Variants in TMEM200A observed in about 807,000 individuals in gnomAD.
The protein encoded by TMEM200A is two transmembrane C.
A neutral mutation model predicts 24.3 loss-of-function variants in TMEM200A; 12 were observed. The ratio of observed to expected loss-of-function variants is 0.49; its 90% CI spans 0.32 to 0.80. The LOEUF (loss-of-function observed/expected upper bound fraction) is 0.80, where lower values mean the gene tolerates loss of function less well. TMEM200A is among the 30% of genes least tolerant of loss of function. The pLI is 0.04. For missense variants in TMEM200A, 545 were observed against 614.4 expected (o/e 0.89, Z 1.19); for synonymous variants, 224 against 224.4 (o/e 1.00, Z 0.02).
rs573909746 is a variant in TMEM200A at position 130,433,330 on chromosome 6, G to T, written c.-16-7077G>T. Among the ~76,000 whole-genome samples, 6 of 152,136 alleles carry T rather than the reference G, an allele frequency of 3.9e-5. No individual in the cohort carries two copies. The South Asian group carries it at 1.0e-3, about 26-fold the overall frequency. Reference sequence around the variant, plus strand: ...TTTTTGTATCTTTAGTAGAGACAGGGTTTCACCGTGTTGGCCAGGCTGGTC... The same window carrying T: ...TTTTTGTATCTTTAGTAGAGACAGGTTTTCACCGTGTTGGCCAGGCTGGTC... On this transcript the variant is annotated intron_variant, in intron 2 of 2. Coordinates refer to ENST00000296978, the MANE Select transcript of TMEM200A (RefSeq NM_001258277.2).
At chr6:130,380,020 C>T (rs1229767833) in intron 1 of TMEM200A, among the ~76,000 whole-genome samples, 2 of 152,150 alleles carry the variant, frequency 1.3e-5, no homozygotes, top group Non-Finnish European at 2.9e-5. Flanking sequence ...TTTGTTTGCA[C>T]ATGGTCCTTA....
chr6:130,367,930 C>T lies in TMEM200A; in HGVS notation c.-81+1406C>T, dbSNP rs569915217. Among the ~76,000 whole-genome samples the T allele has an allele frequency of 3.9e-5, 6 of 152,276 alleles. 1 individual carries two copies. The South Asian group carries it at 1.2e-3, about 32-fold the overall frequency. Reference sequence around the variant, plus strand: ...TTTGTATCTGGGCTGGGAAAGCCTTCATTAGAGTTGTATGGAAAGTCCCTG... The same window carrying T: ...TTTGTATCTGGGCTGGGAAAGCCTTTATTAGAGTTGTATGGAAAGTCCCTG... On this transcript the variant is annotated intron_variant, in intron 1 of 2. Coordinates refer to ENST00000296978, the MANE Select transcript of TMEM200A (RefSeq NM_001258277.2).
chr6:130,425,145 T>TC (rs1779699706), intron 2 of TMEM200A, among the ~76,000 whole-genome samples: 2 of 152,162 alleles, frequency 1.3e-5, no homozygotes, highest in African/African-American at 4.8e-5. Flanking sequence ...GATGTTGGAT[T>TC]CAGTGACAGA....
chr6:130,428,001 G>A (rs1416574303), intron 2 of TMEM200A, among the ~76,000 whole-genome samples: 1 of 152,104 alleles, frequency 6.6e-6, no homozygotes, highest in Non-Finnish European at 1.5e-5. Flanking sequence ...CACTATCCTT[G>A]TAGAAAGTGG....
chr6:130,428,977 A>AACTC (rs1779811260), intron 2 of TMEM200A, among the ~76,000 whole-genome samples: 1 of 152,170 alleles, frequency 6.6e-6, no homozygotes, highest in Admixed American at 6.5e-5. Context: ...ATACAATAGA[A>AACTC]ACTCAATGAC....
intron 1 of TMEM200A, among the ~76,000 whole-genome samples, chr6:130,383,473 T>C (rs1003847996): frequency 5.9e-5 from 9 of 152,152 alleles, no homozygotes; most frequent in Non-Finnish European, 1.3e-4. Context: ...AACTTGAATG[T>C]CTGGCGATGG....
chr6:130,410,471 G>A (rs530254854), intron 2 of TMEM200A, among the ~76,000 whole-genome samples: 1 of 152,146 alleles, frequency 6.6e-6, no homozygotes, highest in Non-Finnish European at 1.5e-5. Flanking sequence ...TATAGCAGTT[G>A]CTTAAATGGA....
At chr6:130,414,102 G>A (rs1305069619) in intron 2 of TMEM200A, among the ~76,000 whole-genome samples, 1 of 152,034 alleles carries the variant, frequency 6.6e-6, no homozygotes, top group East Asian at 1.9e-4. Flanking sequence ...GTTCTCAAAA[G>A]TCTTAATAAA....
rs577958873 is a variant in TMEM200A at position 130,441,789 on chromosome 6, A to G, written c.1367A>G (p.Asn456Ser). ...GTTGCCATCAAAAAGGACTTTACCA[A>G]TAAGGAGAAGCTTCTTATGATTTCA... ...PQVAIKKDFT[N>S]KEKLLMISRS... Residue 456 changes from asparagine (N) to serine (S), a missense_variant, in exon 3 of 3, where the codon AAT becomes AGT. Asn to Ser is a conservative substitution (Grantham distance 46). Transcript: ENST00000296978. 14 of 1,614,130 alleles carry G rather than the reference A, an allele frequency of 8.7e-6. No individual in the cohort carries two copies. The South Asian group carries it at 1.5e-4, about 18-fold the overall frequency.
intron 2 of TMEM200A, among the ~76,000 whole-genome samples, chr6:130,386,005 T>C (rs1778703447): frequency 6.6e-6 from 1 of 152,234 alleles, no homozygotes; most frequent in Non-Finnish European, 1.5e-5. Context: ...ACTTCAATTA[T>C]CTAGAATTTT....
chr6:130,404,723 GTCTTTGTCA>G (rs1779166937), intron 2 of TMEM200A, among the ~76,000 whole-genome samples: 1 of 152,080 alleles, frequency 6.6e-6, no homozygotes, highest in Non-Finnish European at 1.5e-5. Flanking sequence ...TGCTTTTGGC[GTCTTTGTCA>G]TGGAATCTTT....
intron 2 of TMEM200A, among the ~76,000 whole-genome samples, chr6:130,417,074 A>ACATAT (rs950081860): frequency 6.6e-6 from 1 of 152,158 alleles, no homozygotes; most frequent in African/African-American, 2.4e-5. Context: ...TCTTTTTAAT[A>ACATAT]CATATCATAT....
Position 130,372,308 on chromosome 6 carries a change from A to G in TMEM200A, c.-81+5784A>G, listed in dbSNP as rs113467938. Among the ~76,000 whole-genome samples, 1,346 of 152,300 alleles carry G rather than the reference A, an allele frequency of 8.8e-3. 16 individuals are homozygous for G. Among genetic ancestry groups the G allele is most frequent in the South Asian group, 0.022 (107 of 4,828 alleles). On this transcript the variant is annotated intron_variant, in intron 1 of 2. Transcript: ENST00000296978. Reference sequence around the variant, plus strand: ...TGAGATAAGAGCAGACCGTCTGAAGAGAATTGTCCAGCAGGATTATATCTG... The same window carrying G: ...TGAGATAAGAGCAGACCGTCTGAAGGGAATTGTCCAGCAGGATTATATCTG...
intron 2 of TMEM200A, among the ~76,000 whole-genome samples, chr6:130,439,798 T>C (rs1166809862): frequency 6.6e-6 from 1 of 151,970 alleles, no homozygotes; most frequent in Non-Finnish European, 1.5e-5. Context: ...GGAGGGGCAG[T>C]AATATCCATG....
In TMEM200A at chr6:130,426,250, T is replaced by G. The variant is rs1335902805; in HGVS notation, c.-16-14157T>G. Among the ~76,000 whole-genome samples, 11 of 152,204 alleles carry G rather than the reference T, an allele frequency of 7.2e-5. No individual in the cohort carries two copies. In the East Asian group the frequency reaches 2.1e-3, roughly 29 times the overall value. ...TCGCCCAGCTCCAGCCTTAAGGCCT[T>G]GATGAAACAGACCCTCGCCCACTGG... On this transcript the variant is annotated intron_variant, in intron 2 of 2. Transcript: ENST00000296978.
At chr6:130,436,648 T>TTTTTTTTTTTTTTTTTTTTTTTTTTTTTC (rs1780024300) in intron 2 of TMEM200A, among the ~76,000 whole-genome samples, 1 of 121,122 alleles carries the variant, frequency 8.3e-6, no homozygotes, top group Non-Finnish European at 1.7e-5. Context: ...TTTTTTTTTT[T>TTTTTTTTTTTTTTTTTTTTTTTTTTTTTC]TTTTTTTTTT....
chr6:130,385,983 G>C (rs1227640127), intron 2 of TMEM200A, among the ~76,000 whole-genome samples: 2 of 152,116 alleles, frequency 1.3e-5, no homozygotes, highest in Non-Finnish European at 2.9e-5. Context: ...ATATTGGTAA[G>C]GGGACTCTTA....
intron 1 of TMEM200A, among the ~76,000 whole-genome samples, chr6:130,367,158 CA>C (rs1778193891): frequency 6.6e-6 from 1 of 152,016 alleles, no homozygotes; most frequent in African/African-American, 2.4e-5. Flanking sequence ...TTTTAAATAA[CA>C]ATTCATTGTT....
At chr6:130,395,686 A>G (rs1165507551) in intron 2 of TMEM200A, among the ~76,000 whole-genome samples, 2 of 152,226 alleles carry the variant, frequency 1.3e-5, no homozygotes, top group Non-Finnish European at 2.9e-5. Context: ...CACAGGTCAG[A>G]TGGAGAAGGT....
Sources: allele counts gnomAD v4.1 joint callset (sites outside exome capture counted in the v4.1 genomes callset), GRCh38; gene constraint gnomAD v4.1.1; transcripts MANE v1.5; gene names NCBI Gene and HGNC (gene_info 2026-07-23, HGNC 2026-07-21).